SPAST: variants seen among roughly 807,000 people sequenced by gnomAD.
SPAST encodes spastic paraplegia 4 (autosomal dominant; spastin).
A neutral mutation model predicts 76.6 loss-of-function variants in SPAST; 30 were observed. The observed-to-expected ratio is 0.39, with a 90% CI of 0.29 to 0.53. The LOEUF (loss-of-function observed/expected upper bound fraction) is 0.53, where lower values mean the gene tolerates loss of function less well. Ranked by LOEUF, SPAST falls within the 20% of genes least tolerant of loss-of-function variation. The probability of loss-of-function intolerance (pLI) is 0.68; values close to 1 mark genes in which losing one functional copy is unlikely to be tolerated. For missense variants in SPAST, 717 were observed against 770.5 expected (o/e 0.93, Z 0.82); for synonymous variants, 305 against 281.0 (o/e 1.09, Z -0.86).
rs1199029334 is a variant in SPAST, at chr2:32,064,093, G to A, written c.262G>A (p.Ala88Thr). 6.2e-7 allele frequency: 1 copy of A among 1,610,554 alleles called. No individual in the cohort carries two copies. The highest frequency in any genetic ancestry group is 1.1e-5 in the South Asian group (1 of 90,494). ...CCAGCGCTTCTCCCGCGCCCTCATG[G>A]CAGCCAAGAGGAGCTCCGGGGCCGC... ...LCQRFSRALM[A>T]AKRSSGAAPA... is the part of the protein sequence containing the mutation. Residue 88 changes from alanine (A) to threonine (T), a missense_variant, in exon 1 of 17, where the codon GCA becomes ACA. Ala to Thr is a moderately conservative substitution (Grantham distance 58). This residue lies in a region of SPAST where 543 missense variants were observed against 445.2 expected (regional missense o/e 1.22). Coordinates refer to ENST00000315285, the MANE Select transcript of SPAST (RefSeq NM_014946.4).
intron 1 of SPAST, among the ~76,000 whole-genome samples, chr2:32,082,345 T>C (rs1677269710): frequency 6.6e-6 from 1 of 152,098 alleles, no homozygotes; most frequent in African/African-American, 2.4e-5. Context: ...GCTGATGTTA[T>C]AATCCAAGCC....
At chr2:32,124,751 G>A (rs1026858678) in intron 7 of SPAST, among the ~76,000 whole-genome samples, 1 of 152,082 alleles carries the variant, frequency 6.6e-6, no homozygotes, top group African/African-American at 2.4e-5. Flanking sequence ...ATATATGGAG[G>A]AACCATAAAT....
chr2:32,146,916 G>C (rs1019207061), intron 15 of SPAST, among the ~76,000 whole-genome samples: 17 of 72,046 alleles, frequency 2.4e-4, no homozygotes, highest in Non-Finnish European at 4.3e-4. Flanking sequence ...AACAAAAAAA[G>C]ACTAATGCAT....
intron 4 of SPAST, among the ~76,000 whole-genome samples, chr2:32,108,758 C>CTTTTTTTTTT (rs71407413): frequency 8.1e-5 from 6 of 73,906 alleles, no homozygotes; most frequent in Admixed American, 2.1e-4. Context: ...GCTGGTATAG[C>CTTTTTTTTTT]TTTTTTTTTT....
chr2:32,071,846 A>G (rs1272975881), intron 1 of SPAST, among the ~76,000 whole-genome samples: 4 of 152,166 alleles, frequency 2.6e-5, no homozygotes, highest in Non-Finnish European at 4.4e-5. Flanking sequence ...GAGAGAATAC[A>G]TTGTAAATGT....
chr2:32,112,529 G>T (rs1678655591), intron 4 of SPAST, among the ~76,000 whole-genome samples: 1 of 152,008 alleles, frequency 6.6e-6, no homozygotes, highest in Admixed American at 6.6e-5. Flanking sequence ...TGTGTTTTTA[G>T]TAGAGACGGG....
At chr2:32,104,660 C>G (rs550901253) in intron 4 of SPAST, among the ~76,000 whole-genome samples, 6 of 152,276 alleles carry the variant, frequency 3.9e-5, no homozygotes, top group South Asian at 2.1e-4. Flanking sequence ...GTTACAAAAT[C>G]TGTCAGCATT....
At chr2:32,084,200 C>G (rs1295641451) in intron 1 of SPAST, among the ~76,000 whole-genome samples, 1 of 151,924 alleles carries the variant, frequency 6.6e-6, no homozygotes, top group Non-Finnish European at 1.5e-5. Context: ...GAGACAGAGT[C>G]TTGCTCTGTC....
At chr2:32,111,560 C>T (rs1472288833) in intron 4 of SPAST, among the ~76,000 whole-genome samples, 4 of 151,158 alleles carry the variant, frequency 2.6e-5, no homozygotes, top group East Asian at 1.9e-4. Context: ...CCCAAAGCCA[C>T]GTATTATATA....
chr2:32,157,185 CAG>C lies in SPAST; in HGVS notation c.*2692_*2693del, dbSNP rs2148771653. ...TAGTGTGCTCTTCATGTTAATATGG[CAG>C]AGTTTTGTAAACTAAATTAAAACTT... is the stretch of plus-strand genomic sequence containing the variant. On this transcript the variant is annotated 3_prime_UTR_variant, in exon 17 of 17. Coordinates refer to ENST00000315285, the MANE Select transcript of SPAST (RefSeq NM_014946.4). 6.6e-6 allele frequency: 1 copy of C among 152,662 alleles called. No homozygotes were observed. The highest frequency in any genetic ancestry group is 2.4e-5 in the African/African-American group (1 of 41,544). 9.5% of individuals were successfully genotyped at this position (152,662 alleles called of 1,614,324 possible).
chr2:32,064,260 TGGGGGA>T lies in SPAST; in HGVS notation c.415+20_415+25del. On this transcript the variant is annotated intron_variant, in intron 1 of 16. Transcript: ENST00000315285. ...AGGATGAGAAAGGTAACTAGGGGGC[TGGGGGA>T]GGGGGCGGCGGCGCCGGGAAGAAGG... 1 of 461,074 alleles carries T rather than the reference TGGGGGA, an allele frequency of 2.2e-6. No homozygotes were observed. The highest frequency in any genetic ancestry group is 2.8e-6 in the Non-Finnish European group (1 of 358,612). The allele number at this position is 461,074 out of a possible 1,614,324, so 28.6% of individuals were successfully genotyped here. A position where few individuals can be genotyped will look rare whatever the true frequency, so the allele number is the denominator to read the frequency against.
At chr2:32,136,854 T>G in intron 10 of SPAST, 23 bp from the exon 11 acceptor site, 1 of 1,580,844 alleles carries the variant, frequency 6.3e-7, no homozygotes, top group Non-Finnish European at 8.7e-7. Context: ...TTAATTAAAG[T>G]CTTATACTTG....
intron 16 of SPAST, among the ~76,000 whole-genome samples, chr2:32,151,018 C>T (rs925766275): frequency 3.4e-5 from 5 of 148,434 alleles, no homozygotes; most frequent in African/African-American, 1.0e-4. Flanking sequence ...AATCTCGGCT[C>T]ACTGCAACCT....
chr2:32,080,861 C>G (rs1436933514), intron 1 of SPAST, among the ~76,000 whole-genome samples: 5 of 125,258 alleles, frequency 4.0e-5, no homozygotes, highest in Non-Finnish European at 7.9e-5. Context: ...ATGGCACGAT[C>G]TCAGCTCGCT....
At chr2:32,089,717 T>C in intron 3 of SPAST, 112 bp downstream of exon 3, 1 of 707,362 alleles carries the variant, frequency 1.4e-6, no homozygotes, top group Non-Finnish European at 2.6e-6. Flanking sequence ...CCAGGCTTTT[T>C]AACATAAAGA....
intron 9 of SPAST, among the ~76,000 whole-genome samples, chr2:32,134,207 A>T (rs1314078557): frequency 6.6e-6 from 1 of 151,816 alleles, no homozygotes; most frequent in Admixed American, 6.6e-5. Context: ...AGCTAATTTT[A>T]AAAAATTCTG....
At chr2:32,136,411 G>GT (rs1311214251) in intron 9 of SPAST, 152 bp from the exon 10 acceptor site, 5 of 612,008 alleles carry the variant, frequency 8.2e-6, no homozygotes, top group Non-Finnish European at 1.5e-5. Context: ...GTAAGGGACG[G>GT]TTAGTAGTAC....
Position 32,078,172 on chromosome 2 carries a change from A to G in SPAST, c.416-9320A>G, listed in dbSNP as rs1449457796. On this transcript the variant is annotated intron_variant, in intron 1 of 16. Transcript: ENST00000315285. ...CGCCCGGCTAATTTTTTGTATTTTT[A>G]GTAGAGACGGGGTTTCACCGTTTTA... 2.0e-5 allele frequency among the ~76,000 whole-genome samples: 3 copies of G among 151,542 alleles called. No individual in the cohort carries two copies. The South Asian group carries it at 6.3e-4, about 32-fold the overall frequency.
chr2:32,078,475 C>A (rs1471729321), intron 1 of SPAST, among the ~76,000 whole-genome samples: 1 of 152,070 alleles, frequency 6.6e-6, no homozygotes, highest in Non-Finnish European at 1.5e-5. Flanking sequence ...TGTGCCCGGC[C>A]CCATTTCTAC....
Sources: allele counts gnomAD v4.1 joint callset (sites outside exome capture counted in the v4.1 genomes callset), GRCh38; gene constraint gnomAD v4.1.1; regional missense constraint gnomAD v4.1.1; transcripts MANE v1.5; gene names NCBI Gene and HGNC (gene_info 2026-07-23, HGNC 2026-07-21).